GRID2: variants seen among roughly 807,000 people sequenced by gnomAD.
The protein encoded by GRID2 is glutamate receptor ionotropic, delta-2.
In GRID2, 33 loss-of-function variants were observed where a neutral mutation model predicts 114.8. The ratio of observed to expected loss-of-function variants is 0.29; its 90% CI spans 0.22 to 0.38. GRID2 has a LOEUF of 0.38. Ranked by LOEUF, GRID2 falls within the 10% of genes least tolerant of loss-of-function variation. The pLI is 1.00. For synonymous variants in GRID2, 505 were observed against 449.9 expected (o/e 1.12, Z -1.55); for missense variants, 1,184 against 1,257.7 (o/e 0.94, Z 0.89).
At chr4:93,539,617 C>A (rs1732449794) in intron 13 of GRID2, among the ~76,000 whole-genome samples, 1 of 151,960 alleles carries the variant, frequency 6.6e-6, no homozygotes, top group Non-Finnish European at 1.5e-5. Flanking sequence ...TATCTCATAA[C>A]CTTCTTAGGA....
chr4:92,596,756 T>A (rs1728973727), intron 2 of GRID2, among the ~76,000 whole-genome samples: 1 of 151,856 alleles, frequency 6.6e-6, no homozygotes, highest in Non-Finnish European at 1.5e-5. Context: ...TAAGAGCAAT[T>A]AAAAATATAT....
intron 1 of GRID2, among the ~76,000 whole-genome samples, chr4:92,520,251 G>A (rs1026946288): frequency 6.6e-6 from 1 of 151,590 alleles, no homozygotes; most frequent in African/African-American, 2.4e-5. Flanking sequence ...CTCTTCTTCA[G>A]GATAATGTAA....
At chr4:92,747,758 C>T (rs1343656361) in intron 2 of GRID2, among the ~76,000 whole-genome samples, 3 of 152,130 alleles carry the variant, frequency 2.0e-5, no homozygotes, top group African/African-American at 7.2e-5. Flanking sequence ...TACTAATAAA[C>T]ATTCAATAAT....
At chr4:93,322,922 G>A (rs1757395447) in intron 8 of GRID2, among the ~76,000 whole-genome samples, 1 of 152,044 alleles carries the variant, frequency 6.6e-6, no homozygotes, top group Admixed American at 6.6e-5. Flanking sequence ...ATTTGTTTGA[G>A]TTCTTTGTAG....
At chr4:92,696,843 T>A (rs564461662) in intron 2 of GRID2, among the ~76,000 whole-genome samples, 99 of 152,320 alleles carry the variant, frequency 6.5e-4, no homozygotes, top group African/African-American at 2.3e-3. Flanking sequence ...GCTGAGCCTC[T>A]TGTTACCTTG....
chr4:92,814,635 T>A (rs968835136), intron 2 of GRID2, among the ~76,000 whole-genome samples: 4 of 152,162 alleles, frequency 2.6e-5, no homozygotes, highest in African/African-American at 7.2e-5. Context: ...TAGAGGTGCC[T>A]CATTGGCAAC....
intron 14 of GRID2, among the ~76,000 whole-genome samples, chr4:93,695,172 G>GAA (rs5860341): frequency 6.2e-4 from 84 of 135,942 alleles, no homozygotes; most frequent in African/African-American, 9.0e-4. Flanking sequence ...CTCCGTCTCG[G>GAA]AAAAAAAAAA....
chr4:93,258,828 A>G (rs1749918087), intron 8 of GRID2: 1 of 446,164 alleles, frequency 2.2e-6, no homozygotes, highest in Admixed American at 2.5e-5. Flanking sequence ...TCTATAAACA[A>G]CATGAAAGTA....
intron 2 of GRID2, among the ~76,000 whole-genome samples, chr4:92,914,970 A>G (rs896278896): frequency 2.0e-5 from 3 of 152,102 alleles, no homozygotes; most frequent in African/African-American, 7.2e-5. Flanking sequence ...ACTTCCCCAG[A>G]CTGGGTAATA....
At chr4:92,448,981 A>C (rs112402181) in intron 1 of GRID2, among the ~76,000 whole-genome samples, 2,891 of 152,184 alleles carry the variant, frequency 0.019, 50 homozygotes, top group East Asian at 0.076. Context: ...ATCCCTCTCC[A>C]CAACTAATAT....
At chr4:92,749,115 G>A (rs1289338612) in intron 2 of GRID2, among the ~76,000 whole-genome samples, 3 of 143,342 alleles carry the variant, frequency 2.1e-5, no homozygotes. Flanking sequence ...TGCCTAAGCC[G>A]CCTGAGTAGC....
In GRID2 at chr4:92,944,517, C is replaced by T. The variant is rs542540875; in HGVS notation, c.245-140478C>T. Among the ~76,000 whole-genome samples the T allele has an allele frequency of 3.3e-4, 50 of 152,360 alleles. 1 individual carries two copies. The highest frequency in any genetic ancestry group is 1.2e-3 in the African/African-American group (48 of 41,598). Reference sequence around the variant, plus strand: ...AAAGGGAATTCCCTGACCCCTTACACTTCCCGGTTGAGGCGATGCCTCGCC... The same window carrying T: ...AAAGGGAATTCCCTGACCCCTTACATTTCCCGGTTGAGGCGATGCCTCGCC... On this transcript the variant is annotated intron_variant, in intron 2 of 15. Transcript: ENST00000282020.
rs201539271 is a variant in GRID2 at position 93,128,688 on chromosome 4, A to T, written c.735+17735A>T. ...TGGAAACTTGGGAAACCTGAGGTAC[A>T]GAAAGCGGCATGAGCCTATTTCTTA... On this transcript the variant is annotated intron_variant, in intron 4 of 15. Transcript: ENST00000282020. Among the ~76,000 whole-genome samples the T allele has an allele frequency of 2.5e-3, 327 of 130,736 alleles. 1 individual carries two copies. Among genetic ancestry groups the T allele is most frequent in the Admixed American group, 0.019 (216 of 11,362 alleles). The allele number at this position is 130,736 out of a possible 152,430, so 85.8% of individuals were successfully genotyped here. A position where few individuals can be genotyped will look rare whatever the true frequency, so the allele number is the denominator to read the frequency against.
intron 13 of GRID2, among the ~76,000 whole-genome samples, chr4:93,600,172 T>G (rs1739521043): frequency 6.6e-6 from 1 of 152,144 alleles, no homozygotes; most frequent in African/African-American, 2.4e-5. Flanking sequence ...AAACTATGTC[T>G]CAGTACAAAT....
At chr4:92,514,959 T>C (rs2149134775) in intron 1 of GRID2, among the ~76,000 whole-genome samples, 1 of 151,990 alleles carries the variant, frequency 6.6e-6, no homozygotes, top group African/African-American at 2.4e-5. Context: ...TTCTTCTTCT[T>C]ACCTTTTTGC....
At chr4:93,600,205 C>A (rs532369753) in intron 13 of GRID2, among the ~76,000 whole-genome samples, 1 of 152,148 alleles carries the variant, frequency 6.6e-6, no homozygotes, top group East Asian at 1.9e-4. Flanking sequence ...AACAAAAACA[C>A]AAACTTGATA....
chr4:92,817,921 A>G (rs971639116), intron 2 of GRID2, among the ~76,000 whole-genome samples: 1 of 152,116 alleles, frequency 6.6e-6, no homozygotes, highest in Non-Finnish European at 1.5e-5. Context: ...TTCATGTCCA[A>G]GTTTACAGAA....
At chr4:92,747,443 A>G (rs762985477) in intron 2 of GRID2, among the ~76,000 whole-genome samples, 6 of 152,086 alleles carry the variant, frequency 3.9e-5, no homozygotes, top group Non-Finnish European at 7.4e-5. Flanking sequence ...TAAAAGATGC[A>G]TTATTCAGCG....
At chr4:92,485,332 ATATATATATATATATAGTGT>A (rs1195864213) in intron 1 of GRID2, among the ~76,000 whole-genome samples, 182 of 106,394 alleles carry the variant, frequency 1.7e-3, no homozygotes, top group Middle Eastern at 5.2e-3. Context: ...ATATATATAT[ATATATATATATATATAGTGT>A]GTGTGTGTGT....
Sources: gnomAD v4.1 joint callset for allele counts (sites outside exome capture counted in the v4.1 genomes callset) on GRCh38, gnomAD v4.1.1 for gene constraint, MANE v1.5 for transcripts, NCBI Gene and HGNC (gene_info 2026-07-23, HGNC 2026-07-21) for gene names.